Variants in SNTB1 observed in about 807,000 individuals in gnomAD.
The protein encoded by SNTB1 is syntrophin beta 1, also known as beta-1-syntrophin.
In SNTB1, 36 loss-of-function variants were observed where a neutral mutation model predicts 48.9. The observed-to-expected ratio is 0.74, with a 90% confidence interval of 0.56 to 0.97. SNTB1 has a LOEUF of 0.97. SNTB1 is among the 50% of genes least tolerant of loss of function. The pLI is 0.00. For synonymous variants in SNTB1, 299 were observed against 294.6 expected (o/e 1.01, Z -0.15); for missense variants, 786 against 703.4 (o/e 1.12, Z -1.33).
chr8:120,730,885 C>T (rs1018722032), intron 1 of SNTB1, among the ~76,000 whole-genome samples: 3 of 151,882 alleles, frequency 2.0e-5, no homozygotes, highest in South Asian at 2.1e-4. Flanking sequence ...TTTGGGAGGC[C>T]GAGACATGTG....
At chr8:120,682,255 A>C (rs887437132) in intron 2 of SNTB1, among the ~76,000 whole-genome samples, 1 of 152,204 alleles carries the variant, frequency 6.6e-6, no homozygotes, top group African/African-American at 2.4e-5. Context: ...TTAAAAAATA[A>C]ATCTTTTAGA....
At chr8:120,691,976 C>T (rs139674306) in intron 2 of SNTB1, among the ~76,000 whole-genome samples, 166 of 152,268 alleles carry the variant, frequency 1.1e-3, no homozygotes, top group Middle Eastern at 3.4e-3. Flanking sequence ...ACTGCAGGCC[C>T]AGGAACTCTG....
At chr8:120,705,707 A>G (rs193183885) in intron 1 of SNTB1, among the ~76,000 whole-genome samples, 2 of 152,336 alleles carry the variant, frequency 1.3e-5, no homozygotes, top group African/African-American at 4.8e-5. Context: ...CCTAATCCAA[A>G]GACTCCAATA....
intron 1 of SNTB1, among the ~76,000 whole-genome samples, chr8:120,752,103 A>G (rs931580251): frequency 5.9e-5 from 9 of 152,174 alleles, no homozygotes; most frequent in Non-Finnish European, 2.9e-5. Flanking sequence ...AGAACATCAA[A>G]TTGAGAGAGA....
intron 1 of SNTB1, among the ~76,000 whole-genome samples, chr8:120,805,558 T>TAAA (rs112260448): frequency 6.8e-6 from 1 of 148,116 alleles, no homozygotes; most frequent in Non-Finnish European, 1.5e-5. Context: ...AAATAAAAAT[T>TAAA]AAAAAAAAAA....
At chr8:120,572,614 G>A (rs1815874816) in intron 4 of SNTB1, among the ~76,000 whole-genome samples, 1 of 152,136 alleles carries the variant, frequency 6.6e-6, no homozygotes, top group African/African-American at 2.4e-5. Flanking sequence ...CAGGTGCAGT[G>A]GTTGAGAAGA....
chr8:120,665,963 T>G (rs937448948), intron 2 of SNTB1, among the ~76,000 whole-genome samples: 4 of 152,228 alleles, frequency 2.6e-5, no homozygotes, highest in Non-Finnish European at 5.9e-5. Flanking sequence ...TTTTGATTGC[T>G]GTAACATTAT....
rs201566111 is a variant in SNTB1, at chr8:120,731,123, A to C, written c.572-37215T>G. ...GCAACAGAGTGAGACTTTGTCTCAAAAAAGTATAATAATAAAAAATTAAAC... is the reference window on the plus strand; with the variant it reads ...GCAACAGAGTGAGACTTTGTCTCAACAAAGTATAATAATAAAAAATTAAAC... On this transcript the variant is annotated intron_variant, in intron 1 of 6. Transcript: ENST00000517992. 1.8e-4 allele frequency among the ~76,000 whole-genome samples: 28 copies of C among 152,340 alleles called. No homozygotes were observed. In the East Asian group the frequency reaches 5.0e-3, roughly 27 times the overall value.
At chr8:120,542,481 C>T (rs559086074) in intron 5 of SNTB1, among the ~76,000 whole-genome samples, 18 of 152,212 alleles carry the variant, frequency 1.2e-4, no homozygotes, top group African/African-American at 4.3e-4. Flanking sequence ...TGGTGCAACC[C>T]CATCTCTACT....
intron 1 of SNTB1, chr8:120,775,242 A>G (rs1234464527): frequency 6.6e-6 from 1 of 151,446 alleles, no homozygotes. Flanking sequence ...TCTTTCTCAT[A>G]TAGTTGGGAC....
intron 1 of SNTB1, among the ~76,000 whole-genome samples, chr8:120,747,785 T>C (rs1258398863): frequency 1.3e-5 from 2 of 152,144 alleles, no homozygotes; most frequent in African/African-American, 4.8e-5. Context: ...CAAGTTTACC[T>C]ATATAACAAA....
At chr8:120,687,911 G>A (rs1818059212) in intron 2 of SNTB1, among the ~76,000 whole-genome samples, 1 of 152,178 alleles carries the variant, frequency 6.6e-6, no homozygotes, top group Admixed American at 6.5e-5. Context: ...ACTAAATCAA[G>A]TTTCTGATCT....
intron 1 of SNTB1, among the ~76,000 whole-genome samples, chr8:120,804,820 C>T (rs1433524458): frequency 6.6e-6 from 1 of 152,196 alleles, no homozygotes; most frequent in Non-Finnish European, 1.5e-5. Context: ...CACTGAGCTA[C>T]ACATGAGGCC....
At chr8:120,673,626 G>A (rs1232479904) in intron 2 of SNTB1, among the ~76,000 whole-genome samples, 1 of 151,792 alleles carries the variant, frequency 6.6e-6, no homozygotes, top group Non-Finnish European at 1.5e-5. Flanking sequence ...TCTCTGCTTG[G>A]GCTATGATGG....
At chr8:120,676,388 A>G (rs73708611) in intron 2 of SNTB1, among the ~76,000 whole-genome samples, 6,434 of 152,310 alleles carry the variant, frequency 0.042, 415 homozygotes, top group African/African-American at 0.14. Flanking sequence ...CCCATTTTAC[A>G]TATGGAATAA....
At chr8:120,790,341 C>T (rs1295773328) in intron 1 of SNTB1, among the ~76,000 whole-genome samples, 1 of 151,970 alleles carries the variant, frequency 6.6e-6, no homozygotes, top group Non-Finnish European at 1.5e-5. Context: ...CAAGGATGCC[C>T]ACTTTCACCA....
Position 120,575,088 on chromosome 8 carries a change from G to C in SNTB1, c.1134C>G (p.Thr378=), listed in dbSNP as rs561464293. The C allele has an allele frequency of 1.2e-6, 2 of 1,614,110 alleles. No homozygotes were observed. The highest frequency in any genetic ancestry group is 1.7e-5 in the Admixed American group (1 of 60,006). ...SPVHTYPLLA[T]RLVHSGPGKG... ...ACCAAACACAAGGCCATGGCTACCTGGTGGCAAGAAGAGGGTATGTGTGAA... is the reference window on the plus strand; with the variant it reads ...ACCAAACACAAGGCCATGGCTACCTCGTGGCAAGAAGAGGGTATGTGTGAA... The change falls in exon 4 of 7, where the codon ACC becomes ACG. Residue 378 remains threonine, a splice_region_variant and synonymous_variant. Transcript: ENST00000517992.
Position 120,538,611 on chromosome 8 carries a change from G to A in SNTB1, c.*266C>T. 1 of 536,724 alleles carries A rather than the reference G, an allele frequency of 1.9e-6. No homozygotes were observed. Among genetic ancestry groups the A allele is most frequent in the Non-Finnish European group, 3.6e-6 (1 of 278,208 alleles). 33.2% of individuals were successfully genotyped at this position (536,724 alleles called of 1,614,324 possible). A position where few individuals can be genotyped will look rare whatever the true frequency, so the allele number is the denominator to read the frequency against. ...GTTGTCATTATTTCAAAGCTATGCTGTGTATTTCCCGTCACCTCACCTCTT... is the reference window on the plus strand; with the variant it reads ...GTTGTCATTATTTCAAAGCTATGCTATGTATTTCCCGTCACCTCACCTCTT... On this transcript the variant is annotated 3_prime_UTR_variant, in exon 7 of 7. Transcript: ENST00000517992.
intron 3 of SNTB1, among the ~76,000 whole-genome samples, chr8:120,598,041 G>T (rs1440503236): frequency 1.3e-5 from 2 of 152,176 alleles, no homozygotes; most frequent in Non-Finnish European, 2.9e-5. Context: ...GTTTGGGGAT[G>T]GGAAGATGCT....
Sources: gnomAD v4.1 joint callset for allele counts (sites outside exome capture counted in the v4.1 genomes callset) on GRCh38, gnomAD v4.1.1 for gene constraint, MANE v1.5 for transcripts, NCBI Gene and HGNC (gene_info 2026-07-23, HGNC 2026-07-21) for gene names.